The following BIVM variants were observed in gnomAD, a reference collection of about 807,000 sequenced individuals.
BIVM encodes basic, immunoglobulin-like variable motif containing, also known as basic immunoglobulin-like variable motif-containing protein.
In BIVM, 31 loss-of-function variants were observed where a neutral mutation model predicts 61.4. The ratio of observed to expected loss-of-function variants is 0.51; its 90% CI spans 0.38 to 0.68. The LOEUF (loss-of-function observed/expected upper bound fraction) is 0.68. Among genes scored for constraint, BIVM ranks in the 30% least tolerant of loss-of-function variants. The pLI is 0.00. For synonymous variants in BIVM, 189 were observed against 210.7 expected, an observed-to-expected ratio of 0.90 and a Z score of 0.89; for missense variants, 526 against 596.0, an observed-to-expected ratio of 0.88 and a Z score of 1.22.
chr13:102,840,258 CT>C lies in BIVM; in HGVS notation c.*394del. ...ACATTTGTTACAGATAGTTTTATGC[CT>C]AAGACCAAGATGTAAAGTACCATCT... On this transcript the variant is annotated 3_prime_UTR_variant, in exon 11 of 11. Transcript: ENST00000257336. 1 of 155,732 alleles carries C rather than the reference CT, an allele frequency of 6.4e-6. No individual in the cohort carries two copies. The highest frequency in any genetic ancestry group is 1.4e-5 in the Non-Finnish European group (1 of 72,756). The allele number at this position is 155,732 out of a possible 1,614,324, so 9.6% of individuals were successfully genotyped here.
intron 3 of BIVM, among the ~76,000 whole-genome samples, chr13:102,809,998 C>T (rs962895702): frequency 1.3e-5 from 2 of 152,112 alleles, no homozygotes; most frequent in African/African-American, 2.4e-5. Context: ...TGGTCTCGAC[C>T]TCCTGACCTC....
chr13:102,833,520 ACCATGTTACCCAGGCTGGTCTTGAAC>A (rs1881267323), intron 8 of BIVM, among the ~76,000 whole-genome samples: 4 of 151,648 alleles, frequency 2.6e-5, no homozygotes, highest in African/African-American at 9.7e-5. Flanking sequence ...TCAGGGTTTC[ACCATGTTACCCAGGCTGGTCTTGAAC>A]TCCTGGGCTC....
chr13:102,807,991 C>T lies in BIVM; in HGVS notation c.478+246C>T, dbSNP rs1165045493. On this transcript the variant is annotated intron_variant, in intron 3 of 10. Transcript: ENST00000257336. This position sits in a 1 kb window ranked among gnomAD's most constrained non-coding sequence, Gnocchi z 4.0. ...CAAATATTTTGAGAGATTTGAAAAT[C>T]TAATAATGTAAAATATTATAAACAG... Among the ~76,000 whole-genome samples, 1 of 152,062 alleles carries T rather than the reference C, an allele frequency of 6.6e-6. No homozygotes were observed. The highest frequency in any genetic ancestry group is 1.5e-5 in the Non-Finnish European group (1 of 68,026).
intron 9 of BIVM, among the ~76,000 whole-genome samples, chr13:102,838,058 T>C (rs1881604836): frequency 6.6e-6 from 1 of 152,218 alleles, no homozygotes; most frequent in Non-Finnish European, 1.5e-5. Flanking sequence ...AAGTAAAACT[T>C]AAAAAAGATA....
Position 102,808,506 on chromosome 13 carries a change from CTTGT to C in BIVM, c.478+764_478+767del, listed in dbSNP as rs1879257998. On this transcript the variant is annotated intron_variant, in intron 3 of 10. Transcript: ENST00000257336. ...ATTTTATAAAACCTTAATGCTTCTGCTTGTTTATCTGCAAAATCAATTTGTTTCA... is the reference window on the plus strand; with the variant it reads ...ATTTTATAAAACCTTAATGCTTCTGCTTATCTGCAAAATCAATTTGTTTCA... Among the ~76,000 whole-genome samples, 2 of 152,014 alleles carry C rather than the reference CTTGT, an allele frequency of 1.3e-5. 1 individual carries two copies. Among genetic ancestry groups the C allele is most frequent in the Admixed American group, 1.3e-4 (2 of 15,272 alleles).
At chr13:102,821,720 G>A in intron 5 of BIVM, 23 bp from the exon 6 acceptor site, 1 of 1,605,618 alleles carries the variant, frequency 6.2e-7, no homozygotes, top group South Asian at 1.1e-5. Context: ...AAAAATGAAA[G>A]GCAATGAATG....
chr13:102,828,069 G>A (rs950522992), intron 7 of BIVM, among the ~76,000 whole-genome samples: 5 of 152,186 alleles, frequency 3.3e-5, no homozygotes, highest in African/African-American at 9.7e-5. Context: ...TGGGGACCAC[G>A]CTGTTGTGAT....
At chr13:102,837,726 AG>A (rs1348739908) in intron 9 of BIVM, among the ~76,000 whole-genome samples, 6 of 152,262 alleles carry the variant, frequency 3.9e-5, no homozygotes, top group Non-Finnish European at 7.3e-5. Flanking sequence ...AGCCATAAAA[AG>A]GAATGAAATG....
At chr13:102,834,624 T>C in intron 9 of BIVM, 72 bp downstream of exon 9, 1 of 1,391,010 alleles carries the variant, frequency 7.2e-7, no homozygotes, top group Non-Finnish European at 9.6e-7. Context: ...AGATCTTAGT[T>C]GTATATAATT....
At chr13:102,835,623 C>T (rs1410705353) in intron 9 of BIVM, among the ~76,000 whole-genome samples, 2 of 152,142 alleles carry the variant, frequency 1.3e-5, no homozygotes, top group Admixed American at 6.5e-5. Context: ...ACCTTCATCT[C>T]CCAGGTTCAA....
intron 6 of BIVM, 91 bp from the exon 7 acceptor site, chr13:102,821,974 T>G (rs906126436): frequency 3.9e-6 from 6 of 1,547,038 alleles, no homozygotes; most frequent in Admixed American, 1.7e-5. Context: ...GTATACCAAC[T>G]TTGGGCTATG....
chr13:102,840,928 T>G lies in BIVM; in HGVS notation c.*1063T>G, dbSNP rs1405392957. The G allele has an allele frequency of 6.6e-6, 1 of 152,388 alleles. No homozygotes were observed. The highest frequency in any genetic ancestry group is 1.9e-4 in the East Asian group (1 of 5,198). The allele number at this position is 152,388 out of a possible 1,614,324, so 9.4% of individuals were successfully genotyped here. A position where few individuals can be genotyped will look rare whatever the true frequency, so the allele number is the denominator to read the frequency against. On this transcript the variant is annotated 3_prime_UTR_variant, in exon 11 of 11. Transcript: ENST00000257336. ...TCTGTGAAATGAGATCTCCTGATAT[T>G]TGATTGCTTTCTCAGTATGGAGTCA...
rs371117171 is a variant in BIVM at position 102,804,144 on chromosome 13, TTTTG to T, written c.-206-1152_-206-1149del. Among the ~76,000 whole-genome samples, 610 of 152,294 alleles carry T rather than the reference TTTTG, an allele frequency of 4.0e-3. 3 individuals are homozygous for T. The highest frequency in any genetic ancestry group is 0.013 in the African/African-American group (541 of 41,564). ...CAAATTATTTTAAAACTGAAGAGTT[TTTTG>T]TTTGTTTGTTCGTTTCGAGACAAGA... On this transcript the variant is annotated intron_variant, in intron 1 of 10. Coordinates refer to ENST00000257336, the MANE Select transcript of BIVM (RefSeq NM_017693.4).
In BIVM at chr13:102,832,328, C is replaced by T. The variant is rs535022759; in HGVS notation, c.1034+631C>T. 2.0e-5 allele frequency among the ~76,000 whole-genome samples: 3 copies of T among 152,086 alleles called. No homozygotes were observed. In the East Asian group the frequency reaches 5.8e-4, roughly 29 times the overall value. ...ACCTCAGCCTCCTGAGTGGCTAGAA[C>T]TACAGGCATGCACCACCATGCCCAG... On this transcript the variant is annotated intron_variant, in intron 8 of 10. Transcript: ENST00000257336.
At chr13:102,829,462 G>C (rs1037325641) in intron 7 of BIVM, among the ~76,000 whole-genome samples, 1 of 152,110 alleles carries the variant, frequency 6.6e-6, no homozygotes, top group Non-Finnish European at 1.5e-5. Flanking sequence ...ACTTCATTCT[G>C]AATTTAGCTT....
Position 102,807,118 on chromosome 13 carries a change from G to A in BIVM, c.-122-28G>A. 1 of 765,860 alleles carries A rather than the reference G, an allele frequency of 1.3e-6. No individual in the cohort carries two copies. The highest frequency in any genetic ancestry group is 2.0e-6 in the Non-Finnish European group (1 of 498,952). The allele number at this position is 765,860 out of a possible 1,614,324, so 47.4% of individuals were successfully genotyped here. ...TGGCTCTTTGTGTATCTGGTGGATT[G>A]TTGATCATTCTTTTTCCTTCCTCTT... is the stretch of plus-strand genomic sequence containing the variant. On this transcript the variant is annotated intron_variant, in intron 2 of 10. Transcript: ENST00000257336. This position sits in a 1 kb window ranked among gnomAD's most constrained non-coding sequence, Gnocchi z 4.0.
In BIVM at chr13:102,834,539, A is replaced by G; in HGVS notation, c.1108A>G (p.Ile370Val). The G allele has an allele frequency of 1.9e-6, 3 of 1,588,392 alleles. 1 individual carries two copies. In the Admixed American group the frequency reaches 5.8e-5, roughly 31 times the overall value. ...IGESSRKHPA[I>V]HCKKWADIVT... ...AGAATCAAGTAGAAAACATCCTGCC[A>G]TTCACTGTAAAAAGTATGTTAACTT... The change falls in exon 9 of 11, where the codon ATT (isoleucine) becomes GTT (valine). Residue 370 changes from isoleucine (I) to valine (V), a missense_variant. By Grantham distance (29) the Ile-to-Val change is conservative. Around this residue, in one of 3 missense-constraint regions of BIVM, gnomAD observed 210 missense variants for 233.1 expected, o/e 0.90. Coordinates refer to ENST00000257336, the MANE Select transcript of BIVM (RefSeq NM_017693.4).
intron 9 of BIVM, among the ~76,000 whole-genome samples, chr13:102,836,264 C>G (rs1480819009): frequency 6.6e-6 from 1 of 152,048 alleles, no homozygotes; most frequent in East Asian, 1.9e-4. Context: ...AAGATGCTTT[C>G]CTGTTTTTTT....
chr13:102,814,127 C>CTG (rs1255479464), intron 3 of BIVM, among the ~76,000 whole-genome samples: 1 of 151,730 alleles, frequency 6.6e-6, no homozygotes, highest in African/African-American at 2.4e-5. Flanking sequence ...GGTGTTGAGG[C>CTG]TGTGTGTGTG....
Sources: allele counts gnomAD v4.1 joint callset (sites outside exome capture counted in the v4.1 genomes callset), GRCh38; gene constraint gnomAD v4.1.1; regional missense constraint gnomAD v4.1.1; non-coding constraint Gnocchi (gnomAD v3.1); transcripts MANE v1.5; gene names NCBI Gene and HGNC (gene_info 2026-07-23, HGNC 2026-07-21).